Variants in GRB2 observed in about 807,000 individuals in gnomAD.
GRB2 encodes the protein growth factor receptor bound protein 2, also known as growth factor receptor-bound protein 2.
GRB2 carries 2 observed loss-of-function variants against 27.4 expected under a neutral mutation model. The observed-to-expected ratio is 0.07, with a 90% CI of 0.03 to 0.23. GRB2 has a LOEUF of 0.23. Ranked by LOEUF, GRB2 falls within the 10% of genes least tolerant of loss-of-function variation. The pLI is 1.00. For synonymous variants in GRB2, 94 were observed against 99.6 expected (o/e 0.94, Z 0.33); for missense variants, 102 against 282.4 (o/e 0.36, Z 4.58).
chr17:75,328,187 A>G (rs753463942), intron 3 of GRB2, among the ~76,000 whole-genome samples: 8 of 151,736 alleles, frequency 5.3e-5, no homozygotes, highest in Non-Finnish European at 1.0e-4. Flanking sequence ...AGATGGGCAC[A>G]GTGGTGGGCA....
chr17:75,381,519 C>T (rs1261987888), intron 2 of GRB2, among the ~76,000 whole-genome samples: 7 of 151,144 alleles, frequency 4.6e-5, no homozygotes, highest in Non-Finnish European at 1.0e-4. Context: ...GAGTTCGAGA[C>T]CAGCCTGGCC....
Position 75,357,967 on chromosome 17 carries a change from G to A in GRB2, c.79-25170C>T, listed in dbSNP as rs373013744. ...ACAAAAATTAGCTGGGCGTGGTGGC[G>A]CGTGCCTGTAGTCCCAGCTACTCAG... is the stretch of plus-strand genomic sequence containing the variant. On this transcript the variant is annotated intron_variant, in intron 2 of 5. Transcript: ENST00000316804. 2.9e-4 allele frequency among the ~76,000 whole-genome samples: 44 copies of A among 152,130 alleles called. No homozygotes were observed. The South Asian group carries it at 3.1e-3, about 11-fold the overall frequency.
chr17:75,329,971 TTTTTTTA>T (rs2078527796), intron 3 of GRB2, among the ~76,000 whole-genome samples: 2 of 152,084 alleles, frequency 1.3e-5, no homozygotes, highest in Admixed American at 6.6e-5. Flanking sequence ...ACGGGTGAAT[TTTTTTTA>T]TTTTTTATTT....
chr17:75,342,976 G>A (rs1328008016), intron 2 of GRB2, among the ~76,000 whole-genome samples: 1 of 150,260 alleles, frequency 6.7e-6, no homozygotes, highest in Admixed American at 6.7e-5. Flanking sequence ...TTGAGCCTGG[G>A]AGGTCGAGGC....
At chr17:75,340,626 A>G (rs193185431) in intron 2 of GRB2, among the ~76,000 whole-genome samples, 1 of 152,338 alleles carries the variant, frequency 6.6e-6, no homozygotes, top group Non-Finnish European at 1.5e-5. Flanking sequence ...AGTTCTCTTC[A>G]GGTGCCTGAT....
chr17:75,388,604 CTT>C (rs1355100758), intron 2 of GRB2, among the ~76,000 whole-genome samples: 9 of 139,756 alleles, frequency 6.4e-5, no homozygotes, highest in Non-Finnish European at 9.4e-5. Context: ...AAGAAAAACA[CTT>C]TTTTTTTTTT....
chr17:75,363,796 A>ATT (rs1373474057), intron 2 of GRB2, among the ~76,000 whole-genome samples: 1 of 144,430 alleles, frequency 6.9e-6, no homozygotes, highest in Non-Finnish European at 1.5e-5. Flanking sequence ...GGAGGTGGAG[A>ATT]TTGCAGCAAG....
intron 2 of GRB2, among the ~76,000 whole-genome samples, chr17:75,381,841 G>C (rs1374112846): frequency 6.6e-6 from 1 of 151,806 alleles, no homozygotes; most frequent in Non-Finnish European, 1.5e-5. Flanking sequence ...TACAGTTTCA[G>C]GGTCCAAAAT....
At chr17:75,367,099 T>G (rs2078824899) in intron 2 of GRB2, among the ~76,000 whole-genome samples, 1 of 152,180 alleles carries the variant, frequency 6.6e-6, no homozygotes, top group Admixed American at 6.5e-5. Flanking sequence ...TAAGGCTTAC[T>G]ATAACCAATT....
At chr17:75,373,962 T>A (rs1466209818) in intron 2 of GRB2, among the ~76,000 whole-genome samples, 2 of 151,592 alleles carry the variant, frequency 1.3e-5, no homozygotes, top group East Asian at 3.9e-4. Flanking sequence ...CCCGGCTAAT[T>A]TTTTTTGCAT....
At chr17:75,349,824 G>C (rs1440618902) in intron 2 of GRB2, among the ~76,000 whole-genome samples, 1 of 152,002 alleles carries the variant, frequency 6.6e-6, no homozygotes, top group African/African-American at 2.4e-5. Context: ...ACCACACCCT[G>C]CTGACTCAGA....
chr17:75,354,997 G>T (rs575778621), intron 2 of GRB2, among the ~76,000 whole-genome samples: 1 of 152,024 alleles, frequency 6.6e-6, no homozygotes, highest in Non-Finnish European at 1.5e-5. Flanking sequence ...TAGTAGAGAC[G>T]GGGTTTCACC....
intron 2 of GRB2, among the ~76,000 whole-genome samples, chr17:75,380,958 G>C (rs145385141): frequency 6.6e-6 from 1 of 152,150 alleles, no homozygotes; most frequent in East Asian, 1.9e-4. Context: ...ATGTATTCTG[G>C]TTAGGGATTA....
intron 2 of GRB2, among the ~76,000 whole-genome samples, chr17:75,369,890 G>C (rs1277692513): frequency 6.6e-6 from 1 of 151,766 alleles, no homozygotes; most frequent in Admixed American, 6.6e-5. Flanking sequence ...ATGGCTGATG[G>C]TATTTAAGAA....
chr17:75,356,015 G>A (rs1035825672), intron 2 of GRB2, among the ~76,000 whole-genome samples: 6 of 151,714 alleles, frequency 4.0e-5, no homozygotes, highest in Middle Eastern at 3.4e-3. Flanking sequence ...TTGTACTTTA[G>A]TAGAATCAGG....
chr17:75,338,506 C>T (rs1285129647), intron 2 of GRB2, among the ~76,000 whole-genome samples: 1 of 152,202 alleles, frequency 6.6e-6, no homozygotes, highest in Non-Finnish European at 1.5e-5. Context: ...TTAAAATCTC[C>T]AAGGAATGTT....
chr17:75,358,669 C>T (rs527693194), intron 2 of GRB2, among the ~76,000 whole-genome samples: 3 of 128,238 alleles, frequency 2.3e-5, no homozygotes, highest in South Asian at 5.1e-4. Flanking sequence ...TCAAGACCAT[C>T]CTGGCCAACA....
At chr17:75,393,910 C>CT (rs1164720894) in intron 1 of GRB2, 145 bp from the exon 2 acceptor site, 1 of 487,288 alleles carries the variant, frequency 2.1e-6, no homozygotes. Flanking sequence ...ACAGCCCCCC[C>CT]CCGCCGACTT....
chr17:75,371,409 C>T (rs2078855869), intron 2 of GRB2: 1 of 152,078 alleles, frequency 6.6e-6, no homozygotes, highest in Non-Finnish European at 1.5e-5. Flanking sequence ...TTGAGTGACA[C>T]AAAGAGGATA....
Sources: allele counts gnomAD v4.1 joint callset (sites outside exome capture counted in the v4.1 genomes callset), GRCh38; gene constraint gnomAD v4.1.1; transcripts MANE v1.5; gene names NCBI Gene and HGNC (gene_info 2026-07-23, HGNC 2026-07-21).